Variants in CCSER1 observed in about 807,000 individuals in gnomAD.
CCSER1 encodes the protein serine-rich coiled-coil domain-containing protein 1.
In CCSER1, 41 loss-of-function variants were observed where a neutral mutation model predicts 82.0. The ratio of observed to expected loss-of-function variants is 0.50; its 90% confidence interval spans 0.39 to 0.65. The LOEUF (loss-of-function observed/expected upper bound fraction) is 0.65, where lower values mean the gene tolerates loss of function less well. Ranked by LOEUF, CCSER1 falls within the 30% of genes least tolerant of loss-of-function variation. CCSER1 has a pLI of 0.00. For missense variants in CCSER1, 1,119 were observed against 1,064.2 expected (o/e 1.05, Z -0.72); for synonymous variants, 414 against 383.9 (o/e 1.08, Z -0.92).
intron 8 of CCSER1, among the ~76,000 whole-genome samples, chr4:90,863,177 A>C (rs1259624510): frequency 6.6e-6 from 1 of 151,146 alleles, no homozygotes; most frequent in African/African-American, 2.4e-5. Flanking sequence ...TCTATGAGTG[A>C]GAACATGCGG....
chr4:90,320,640 G>T (rs965146137), intron 3 of CCSER1, among the ~76,000 whole-genome samples: 7 of 152,200 alleles, frequency 4.6e-5, no homozygotes, highest in African/African-American at 1.7e-4. Flanking sequence ...TTTAAAATCC[G>T]CTGCTATTTT....
In CCSER1 at chr4:91,186,910, A is replaced by G. The variant is rs530642082; in HGVS notation, c.2217+100916A>G. Among the ~76,000 whole-genome samples the G allele has an allele frequency of 7.0e-4, 106 of 152,344 alleles. 1 individual carries two copies. The South Asian group carries it at 7.0e-3, about 10-fold the overall frequency. ...TTGCCCTCATTCCTGTAAACCCACA[A>G]TCTTCCAGCATGGGCATTAGGGCCA... On this transcript the variant is annotated intron_variant, in intron 10 of 10. Transcript: ENST00000509176.
At chr4:90,559,005 T>C (rs976508075) in intron 5 of CCSER1, among the ~76,000 whole-genome samples, 4 of 152,162 alleles carry the variant, frequency 2.6e-5, no homozygotes, top group African/African-American at 9.7e-5. Flanking sequence ...TTTTATAGGC[T>C]ACTTGGTGTC....
At chr4:91,457,440 G>C (rs1756244418) in intron 10 of CCSER1, among the ~76,000 whole-genome samples, 2 of 151,926 alleles carry the variant, frequency 1.3e-5, no homozygotes, top group South Asian at 2.1e-4. Flanking sequence ...CCCAAGACAG[G>C]AGATCACTTG....
intron 3 of CCSER1, among the ~76,000 whole-genome samples, chr4:90,341,522 C>T (rs6820951): frequency 0.019 from 2,941 of 152,078 alleles, 70 homozygotes; most frequent in African/African-American, 0.06. Flanking sequence ...TCCCCAAATA[C>T]TCCAAATATT....
In CCSER1 at chr4:90,723,957, T is replaced by G. The variant is rs376190647; in HGVS notation, c.1976T>G (p.Val659Gly). 1.9e-6 allele frequency: 3 copies of G among 1,583,252 alleles called. No homozygotes were observed. Among genetic ancestry groups the G allele is most frequent in the Non-Finnish European group, 2.6e-6 (3 of 1,163,074 alleles). ...SPASSTTSLP[V>G]SPLTEEPVPF... ...GCAAGCAGTACCACGTCACTTCCTG[T>G]TAGTCCTCTTACTGAAGAGCCAGTG... The change falls in exon 7 of 11, where the codon GTT becomes GGT. Residue 659 changes from valine (V) to glycine (G), a missense_variant. Physicochemically the swap from Val to Gly is moderately radical, Grantham distance 109. Transcript: ENST00000509176.
intron 6 of CCSER1, among the ~76,000 whole-genome samples, chr4:90,630,518 G>T (rs1724179645): frequency 6.6e-6 from 1 of 152,086 alleles, no homozygotes; most frequent in Non-Finnish European, 1.5e-5. Context: ...AAGCTGAAGA[G>T]AATTGATTTT....
At chr4:91,217,615 A>G (rs1243448653) in intron 10 of CCSER1, among the ~76,000 whole-genome samples, 1 of 152,190 alleles carries the variant, frequency 6.6e-6, no homozygotes, top group Admixed American at 6.5e-5. Flanking sequence ...GAGCAGCTAG[A>G]TACAGAGTGT....
At chr4:90,495,001 A>G (rs1018933771) in intron 5 of CCSER1, among the ~76,000 whole-genome samples, 1 of 152,008 alleles carries the variant, frequency 6.6e-6, no homozygotes, top group Non-Finnish European at 1.5e-5. Context: ...ATTCACATTC[A>G]TTTCAGATGC....
At chr4:90,474,481 G>A (rs1424657478) in intron 5 of CCSER1, among the ~76,000 whole-genome samples, 3 of 152,144 alleles carry the variant, frequency 2.0e-5, no homozygotes, top group African/African-American at 7.2e-5. Context: ...AATTAGATGT[G>A]GTTGGGGTAA....
chr4:90,455,107 A>G (rs993211665), intron 4 of CCSER1, among the ~76,000 whole-genome samples: 30 of 152,190 alleles, frequency 2.0e-4, no homozygotes, highest in Non-Finnish European at 1.2e-4. Context: ...CAATCCTACA[A>G]TGTTGGCAAA....
intron 10 of CCSER1, among the ~76,000 whole-genome samples, chr4:91,173,590 T>A (rs1732991763): frequency 1.5e-5 from 1 of 65,452 alleles, no homozygotes; most frequent in Non-Finnish European, 2.9e-5. Context: ...TGAGACTCCG[T>A]CTCAAAAAAA....
intron 1 of CCSER1, among the ~76,000 whole-genome samples, chr4:90,190,281 G>A (rs1735383288): frequency 6.6e-6 from 1 of 152,044 alleles, no homozygotes; most frequent in South Asian, 2.1e-4. Flanking sequence ...AAGATGAAAA[G>A]TATAATCTGC....
At chr4:91,587,253 C>T (rs1406421887) in intron 10 of CCSER1, among the ~76,000 whole-genome samples, 1 of 151,686 alleles carries the variant, frequency 6.6e-6, no homozygotes, top group Non-Finnish European at 1.5e-5. Context: ...TTCACCTTAG[C>T]CTTATAATTC....
At chr4:90,978,277 A>C (rs1033946892) in intron 9 of CCSER1, among the ~76,000 whole-genome samples, 1 of 151,582 alleles carries the variant, frequency 6.6e-6, no homozygotes, top group Non-Finnish European at 1.5e-5. Flanking sequence ...GAGGATAATA[A>C]TATTTTTATT....
In CCSER1 at chr4:90,391,485, T is replaced by TATAC. The variant is rs1438072458; in HGVS notation, c.1510-8550_1510-8549insTACA. On this transcript the variant is annotated intron_variant, in intron 3 of 10. Transcript: ENST00000509176. Reference sequence around the variant, plus strand: ...ATATATATATATATATATATATATATACACACACACAGTGGGTAAATATAT... The same window carrying TATAC: ...ATATATATATATATATATATATATATATACACACACACACAGTGGGTAAATATAT... Among the ~76,000 whole-genome samples, 354 of 76,462 alleles carry TATAC rather than the reference T, an allele frequency of 4.6e-3. 2 individuals are homozygous for TATAC. Among genetic ancestry groups the TATAC allele is most frequent in the Non-Finnish European group, 6.1e-3 (274 of 44,676 alleles). The allele number at this position is 76,462 out of a possible 152,430, so 50.2% of individuals were successfully genotyped here. A position where few individuals can be genotyped will look rare whatever the true frequency, so the allele number is the denominator to read the frequency against.
intron 8 of CCSER1, among the ~76,000 whole-genome samples, chr4:90,899,394 C>A (rs140636253): frequency 0.019 from 2,823 of 152,036 alleles, 34 homozygotes; most frequent in Non-Finnish European, 0.025. Flanking sequence ...CATTTAATCA[C>A]AAAGAGAGAT....
In CCSER1 at chr4:91,391,205, C is replaced by G. The variant is rs571213298; in HGVS notation, c.2218-207367C>G. Among the ~76,000 whole-genome samples the G allele has an allele frequency of 1.1e-4, 17 of 152,162 alleles. 1 individual carries two copies. In the South Asian group the frequency reaches 2.9e-3, roughly 26 times the overall value. ...TCTGTGCTATAAATTCTCCTCTAAC[C>G]ACTGCTGCATTGCATTCTAAAAAAT... On this transcript the variant is annotated intron_variant, in intron 10 of 10. Transcript: ENST00000509176.
At position 90,468,066 on chromosome 4, in the gene CCSER1, A is replaced by G. The variant is rs190973788; in HGVS notation, c.1604-168A>G. On this transcript the variant is annotated intron_variant, in intron 4 of 10. Coordinates refer to ENST00000509176, the MANE Select transcript of CCSER1 (RefSeq NM_001145065.2). ...AAAAATTGCCCAAGGTCATATAGCT[A>G]GTGAGTGAAAAGACTTAGAGCAGAA... Among the ~76,000 whole-genome samples the G allele has an allele frequency of 1.2e-3, 182 of 152,320 alleles. 2 individuals are homozygous for G. In the Middle Eastern group the frequency reaches 0.031, roughly 26 times the overall value.
Sources: gnomAD v4.1 joint callset for allele counts (sites outside exome capture counted in the v4.1 genomes callset) on GRCh38, gnomAD v4.1.1 for gene constraint, MANE v1.5 for transcripts, NCBI Gene and HGNC (gene_info 2026-07-23, HGNC 2026-07-21) for gene names.